The following CHST11 variants were observed in gnomAD, a reference collection of about 807,000 sequenced individuals.
CHST11 encodes carbohydrate sulfotransferase 11.
CHST11 carries 9 observed loss-of-function variants against 30.4 expected under a neutral mutation model. The observed-to-expected ratio is 0.30, with a 90% CI of 0.18 to 0.52. The LOEUF is 0.52. Among genes scored for constraint, CHST11 ranks in the 20% least tolerant of loss-of-function variants. The pLI is 0.97. For missense variants in CHST11, 348 were observed against 460.6 expected (o/e 0.76, Z 2.24); for synonymous variants, 152 against 187.8 (o/e 0.81, Z 1.56).
chr12:104,684,738 A>T (rs924217414), intron 2 of CHST11, among the ~76,000 whole-genome samples: 5 of 152,096 alleles, frequency 3.3e-5, no homozygotes, highest in African/African-American at 1.2e-4. Flanking sequence ...TAGTAGAGAC[A>T]GGGTTTCACC....
intron 2 of CHST11, among the ~76,000 whole-genome samples, chr12:104,721,512 G>A (rs914436107): frequency 2.6e-5 from 4 of 152,120 alleles, no homozygotes; most frequent in Non-Finnish European, 5.9e-5. Flanking sequence ...TTTCTATCCC[G>A]GAATGTCTGT....
intron 2 of CHST11, among the ~76,000 whole-genome samples, chr12:104,664,225 G>A: frequency 6.6e-6 from 1 of 152,144 alleles, no homozygotes; most frequent in South Asian, 2.1e-4. Context: ...TAGAGCTGAG[G>A]GTGAAGCGGC....
intron 2 of CHST11, among the ~76,000 whole-genome samples, chr12:104,721,605 T>G (rs2040177531): frequency 6.6e-6 from 1 of 152,140 alleles, no homozygotes; most frequent in Non-Finnish European, 1.5e-5. Flanking sequence ...GAATGAGTGC[T>G]CAAAATGGGG....
At chr12:104,562,606 A>T (rs2038524264) in intron 1 of CHST11, among the ~76,000 whole-genome samples, 1 of 152,226 alleles carries the variant, frequency 6.6e-6, no homozygotes, top group Non-Finnish European at 1.5e-5. Flanking sequence ...CAATGATATC[A>T]AAATCATTAT....
intron 2 of CHST11, among the ~76,000 whole-genome samples, chr12:104,746,984 T>G (rs1340019445): frequency 1.3e-5 from 2 of 152,186 alleles, no homozygotes; most frequent in African/African-American, 4.8e-5. Context: ...TGGCCCAAGA[T>G]CATATGCCGG....
chr12:104,618,820 A>G (rs1052929880), intron 2 of CHST11, among the ~76,000 whole-genome samples: 2 of 152,154 alleles, frequency 1.3e-5, no homozygotes, highest in African/African-American at 4.8e-5. Flanking sequence ...CAGAACCATG[A>G]TTCAGTCCAG....
At chr12:104,563,498 T>C (rs2038533589) in intron 1 of CHST11, among the ~76,000 whole-genome samples, 1 of 152,226 alleles carries the variant, frequency 6.6e-6, no homozygotes, top group East Asian at 1.9e-4. Context: ...CATTCATCTT[T>C]GTATTTCCTA....
At chr12:104,702,324 C>A (rs78004949) in intron 2 of CHST11, among the ~76,000 whole-genome samples, 10,825 of 152,314 alleles carry the variant, frequency 0.071, 728 homozygotes, top group East Asian at 0.38. Context: ...ATTTCATTCA[C>A]TTCTCTCAAC....
At chr12:104,651,137 A>G (rs1279787283) in intron 2 of CHST11, among the ~76,000 whole-genome samples, 1 of 152,240 alleles carries the variant, frequency 6.6e-6, no homozygotes, top group African/African-American at 2.4e-5. Context: ...CTCCTGGTCC[A>G]AAGCCATCCA....
At chr12:104,721,601 GT>G (rs1281463795) in intron 2 of CHST11, among the ~76,000 whole-genome samples, 3 of 152,184 alleles carry the variant, frequency 2.0e-5, no homozygotes, top group African/African-American at 7.2e-5. Flanking sequence ...TAGAGAATGA[GT>G]GCTCAAAATG....
intron 2 of CHST11, among the ~76,000 whole-genome samples, chr12:104,615,964 A>T (rs2039104166): frequency 6.6e-6 from 1 of 152,110 alleles, no homozygotes; most frequent in African/African-American, 2.4e-5. Flanking sequence ...AATAGCCCCT[A>T]CCTTATTCTC....
At chr12:104,645,026 C>A (rs1347348085) in intron 2 of CHST11, among the ~76,000 whole-genome samples, 1 of 152,210 alleles carries the variant, frequency 6.6e-6, no homozygotes, top group Non-Finnish European at 1.5e-5. Context: ...TGGCTCACTG[C>A]AAGCTCTTCC....
At chr12:104,677,390 G>C (rs1468914731) in intron 2 of CHST11, among the ~76,000 whole-genome samples, 1 of 152,202 alleles carries the variant, frequency 6.6e-6, no homozygotes, top group Non-Finnish European at 1.5e-5. Context: ...CAGAGGATGG[G>C]CGAGGAACAG....
At position 104,514,353 on chromosome 12, in the gene CHST11, T is replaced by C. The variant is rs930282180; in HGVS notation, c.118+56824T>C. 1.9e-5 allele frequency: 18 copies of C among 937,086 alleles called. No homozygotes were observed. The African/African-American group carries it at 1.9e-4, about 10-fold the overall frequency. The allele number at this position is 937,086 out of a possible 1,614,324, so 58.0% of individuals were successfully genotyped here. The stretch of plus-strand genomic sequence containing the variant: ...CCTGTCTCTCAAGCAGCAGCTCTTC[T>C]TCTATGCCATTCTGGGCTTTGCCCT... On this transcript the variant is annotated intron_variant, in intron 1 of 2. Transcript: ENST00000303694.
At chr12:104,635,691 T>C (rs1209262407) in intron 2 of CHST11, among the ~76,000 whole-genome samples, 2 of 152,226 alleles carry the variant, frequency 1.3e-5, no homozygotes, top group African/African-American at 4.8e-5. Flanking sequence ...TCCTCTCTTT[T>C]AATGAAGGAA....
At chr12:104,571,410 G>A (rs10861234) in intron 1 of CHST11, among the ~76,000 whole-genome samples, 57,357 of 151,844 alleles carry the variant, frequency 0.38, 10,830 homozygotes, top group East Asian at 0.5. Flanking sequence ...TGATCCGCCC[G>A]CTTCGGCCTC....
rs911619044 is a variant in CHST11 at position 104,532,345 on chromosome 12, C to G, written c.119-69561C>G. ...ACCCCCACCCCGTTATAAGAATGAG[C>G]CAAAGACGGTGTATTGGTTCCTAGG... On this transcript the variant is annotated intron_variant, in intron 1 of 2. Transcript: ENST00000303694. 1.1e-4 allele frequency among the ~76,000 whole-genome samples: 16 copies of G among 149,730 alleles called. No homozygotes were observed. In the East Asian group the frequency reaches 1.2e-3, roughly 11 times the overall value.
intron 2 of CHST11, among the ~76,000 whole-genome samples, chr12:104,707,568 C>T (rs1357172345): frequency 6.6e-6 from 1 of 152,176 alleles, no homozygotes; most frequent in Non-Finnish European, 1.5e-5. Context: ...GAACATTCTT[C>T]CCCTGGAGAC....
intron 1 of CHST11, among the ~76,000 whole-genome samples, chr12:104,476,711 A>G (rs1473999225): frequency 6.6e-6 from 1 of 152,000 alleles, no homozygotes; most frequent in Non-Finnish European, 1.5e-5. Context: ...GATTGTATCT[A>G]TTGATGCTCC....
Sources: allele counts gnomAD v4.1 joint callset (sites outside exome capture counted in the v4.1 genomes callset), GRCh38; gene constraint gnomAD v4.1.1; transcripts MANE v1.5; gene names NCBI Gene and HGNC (gene_info 2026-07-23, HGNC 2026-07-21).